The following CTNND2 variants were observed in gnomAD, a reference collection of about 807,000 sequenced individuals.
The protein encoded by CTNND2 is catenin delta 2.
CTNND2 carries 22 observed loss-of-function variants against 144.4 expected under a neutral mutation model. The observed-to-expected ratio is 0.15, with a 90% CI of 0.11 to 0.22. The LOEUF (loss-of-function observed/expected upper bound fraction) is 0.22. CTNND2 is among the 10% of genes least tolerant of loss of function. The probability of loss-of-function intolerance (pLI) is 1.00; values close to 1 mark genes in which losing one functional copy is unlikely to be tolerated. For synonymous variants in CTNND2, 751 were observed against 695.6 expected, an observed-to-expected ratio of 1.08 and a Z score of -1.25; for missense variants, 1,353 against 1,618.8, an observed-to-expected ratio of 0.84 and a Z score of 2.82.
intron 3 of CTNND2, among the ~76,000 whole-genome samples, chr5:11,563,798 C>T (rs761580719): frequency 4.6e-5 from 7 of 151,262 alleles, no homozygotes; most frequent in Non-Finnish European, 7.4e-5. Flanking sequence ...GACTCCAATA[C>T]GAAATGCTGC....
chr5:11,591,749 ATTTGTGTT>A (rs1441455159), intron 2 of CTNND2, among the ~76,000 whole-genome samples: 4 of 151,826 alleles, frequency 2.6e-5, no homozygotes, highest in African/African-American at 9.7e-5. Flanking sequence ...CCTTTTGTGT[ATTTGTGTT>A]TTTGTGTTCC....
intron 16 of CTNND2, among the ~76,000 whole-genome samples, chr5:11,037,570 A>G (rs1164021490): frequency 6.6e-6 from 1 of 152,216 alleles, no homozygotes; most frequent in Non-Finnish European, 1.5e-5. Flanking sequence ...AGTGCCTACT[A>G]ATCCAAGATC....
intron 2 of CTNND2, among the ~76,000 whole-genome samples, chr5:11,700,244 T>C (rs2126669009): frequency 6.6e-6 from 1 of 151,844 alleles, no homozygotes. Flanking sequence ...ACAAGAAAAA[T>C]TAGCTGGGCT....
At chr5:11,810,871 A>ATTT (rs1561817337) in intron 1 of CTNND2, among the ~76,000 whole-genome samples, 2,870 of 151,592 alleles carry the variant, frequency 0.019, 101 homozygotes, top group African/African-American at 0.066. Context: ...TATTTTTTTA[A>ATTT]AAAAAAAGAC....
intron 2 of CTNND2, among the ~76,000 whole-genome samples, chr5:11,583,339 C>A (rs1048555054): frequency 6.6e-6 from 1 of 152,036 alleles, no homozygotes; most frequent in Admixed American, 6.6e-5. Context: ...ACAGAAGGGG[C>A]GTATGCAGTG....
chr5:11,468,514 C>A (rs764380062), intron 3 of CTNND2, among the ~76,000 whole-genome samples: 5 of 152,126 alleles, frequency 3.3e-5, no homozygotes, highest in Non-Finnish European at 7.4e-5. Flanking sequence ...ATCCACAGAG[C>A]AGCAGGTTCC....
At chr5:11,735,780 T>C (rs1787648765) in intron 1 of CTNND2, among the ~76,000 whole-genome samples, 1 of 152,206 alleles carries the variant, frequency 6.6e-6, no homozygotes, top group South Asian at 2.1e-4. Flanking sequence ...CTGCCATGAT[T>C]GTGAGGCCTC....
At chr5:11,109,362 T>C (rs1580310533) in intron 14 of CTNND2, among the ~76,000 whole-genome samples, 2 of 151,564 alleles carry the variant, frequency 1.3e-5, no homozygotes, top group East Asian at 3.9e-4. Context: ...ATCATATATT[T>C]TCTAGAATTA....
chr5:11,199,871 T>C (rs891257266), intron 10 of CTNND2, among the ~76,000 whole-genome samples: 2 of 152,252 alleles, frequency 1.3e-5, no homozygotes, highest in Non-Finnish European at 2.9e-5. Context: ...AATCCAAATG[T>C]ATTTCTTTCG....
intron 10 of CTNND2, among the ~76,000 whole-genome samples, chr5:11,213,818 C>T (rs1462645809): frequency 6.7e-6 from 1 of 150,256 alleles, no homozygotes; most frequent in African/African-American, 2.4e-5. Context: ...TTTATATGCA[C>T]ATATATATAT....
chr5:11,641,534 T>TGTACAGGCACACATATACAC (rs1782002125), intron 2 of CTNND2, among the ~76,000 whole-genome samples: 1 of 151,556 alleles, frequency 6.6e-6, no homozygotes, highest in African/African-American at 2.4e-5. Context: ...TACACGTATA[T>TGTACAGGCACACATATACAC]GTATATGCAT....
chr5:11,750,846 TTA>T (rs1271979807), intron 1 of CTNND2, among the ~76,000 whole-genome samples: 1 of 151,880 alleles, frequency 6.6e-6, no homozygotes, highest in East Asian at 1.9e-4. Flanking sequence ...ATATTTTAAA[TTA>T]TCTTATACAC....
chr5:11,422,561 G>A (rs28479630), intron 3 of CTNND2, among the ~76,000 whole-genome samples: 17,299 of 152,168 alleles, frequency 0.11, 2,033 homozygotes, highest in African/African-American at 0.3. Context: ...GGACACACGC[G>A]ACTCCTGTGT....
intron 14 of CTNND2, 43 bp downstream of exon 14, chr5:11,110,815 A>C (rs1752887226): frequency 1.3e-6 from 2 of 1,571,664 alleles, no homozygotes; most frequent in East Asian, 4.5e-5. Context: ...AGTTGCAATT[A>C]GGAAGGGGAT....
intron 9 of CTNND2, among the ~76,000 whole-genome samples, chr5:11,325,903 T>G (rs547666966): frequency 6.6e-6 from 1 of 152,256 alleles, no homozygotes; most frequent in Non-Finnish European, 1.5e-5. Context: ...CTATGAGGAC[T>G]GCACCCAAAT....
chr5:11,849,010 G>A (rs1469942213), intron 1 of CTNND2, among the ~76,000 whole-genome samples: 2 of 152,060 alleles, frequency 1.3e-5, no homozygotes, highest in African/African-American at 4.8e-5. Context: ...GAAGAAAGCA[G>A]AACTAATAGA....
At chr5:11,615,319 T>C (rs1270811156) in intron 2 of CTNND2, among the ~76,000 whole-genome samples, 1 of 152,190 alleles carries the variant, frequency 6.6e-6, no homozygotes, top group African/African-American at 2.4e-5. Flanking sequence ...TGAAGGACAA[T>C]ATTCATAATT....
At chr5:11,669,154 G>T (rs1276379055) in intron 2 of CTNND2, among the ~76,000 whole-genome samples, 2 of 152,168 alleles carry the variant, frequency 1.3e-5, no homozygotes, top group Non-Finnish European at 2.9e-5. Context: ...TGTGCTGCTG[G>T]ATTCAGTCTG....
chr5:11,149,265 G>T (rs571805652), intron 12 of CTNND2, among the ~76,000 whole-genome samples: 2 of 152,156 alleles, frequency 1.3e-5, no homozygotes, highest in African/African-American at 4.8e-5. Context: ...TCACGGTGAC[G>T]CTTTCCTTTG....
Sources: gnomAD v4.1 joint callset for allele counts (sites outside exome capture counted in the v4.1 genomes callset) on GRCh38, gnomAD v4.1.1 for gene constraint, MANE v1.5 for transcripts, NCBI Gene and HGNC (gene_info 2026-07-23, HGNC 2026-07-21) for gene names.